STAT3: variants seen among roughly 807,000 people sequenced by gnomAD.
The protein encoded by STAT3 is DNA-binding protein APRF.
A neutral mutation model predicts 114.3 loss-of-function variants in STAT3; 7 were observed. The observed-to-expected ratio is 0.06, with a 90% CI of 0.03 to 0.11. The LOEUF is 0.11. STAT3 is among the 10% of genes least tolerant of loss of function. The pLI is 1.00. For missense variants in STAT3, 364 were observed against 960.9 expected (o/e 0.38, Z 8.21); for synonymous variants, 331 against 354.5 (o/e 0.93, Z 0.74).
chr17:42,327,411 G>A (rs1050114414), intron 14 of STAT3, among the ~76,000 whole-genome samples: 1 of 152,152 alleles, frequency 6.6e-6, no homozygotes, highest in African/African-American at 2.4e-5. Flanking sequence ...CACTTGATGT[G>A]AAATGAATCC....
chr17:42,345,622 C>T lies in STAT3; in HGVS notation c.309G>A (p.Arg103=), dbSNP rs17880940. 6.2e-7 allele frequency: 1 copy of T among 1,608,468 alleles called. No homozygotes were observed. The highest frequency in any genetic ancestry group is 8.5e-7 in the Non-Finnish European group (1 of 1,176,800). ...RYLEKPMEIA[R]IVARCLWEES... ...CTTCCCACAGGCACCGGGCCACAAT[C>T]CGGGCAATCTCCATTGGCTTCTCAA... Residue 103 remains arginine (R), a synonymous_variant, in exon 4 of 24, where the codon CGG becomes CGA. Coordinates refer to ENST00000264657, the MANE Select transcript of STAT3 (RefSeq NM_139276.3).
chr17:42,325,783 C>T (rs542242146), intron 15 of STAT3, among the ~76,000 whole-genome samples: 40 of 152,136 alleles, frequency 2.6e-4, no homozygotes, highest in African/African-American at 4.8e-4. Context: ...AGGCTGGTCT[C>T]GAACTCCTGA....
chr17:42,362,065 G>T (rs1372851987), intron 1 of STAT3, among the ~76,000 whole-genome samples: 2 of 152,208 alleles, frequency 1.3e-5, no homozygotes, highest in African/African-American at 4.8e-5. Flanking sequence ...GTGGCATTTG[G>T]TATTCAGATG....
rs556506929 is a variant in STAT3, at chr17:42,374,066, C to T, written c.-24+14213G>A. On this transcript the variant is annotated intron_variant, in intron 1 of 23. Transcript: ENST00000264657. ...CTTAGAAAACTAAGTGACCTCATTA[C>T]ACATCATAGTTTTGCATGATGTAAC... 11 of 152,264 alleles carry T rather than the reference C, an allele frequency of 7.2e-5. No individual in the cohort carries two copies. The East Asian group carries it at 9.6e-4, about 13-fold the overall frequency. 9.4% of individuals were successfully genotyped at this position (152,264 alleles called of 1,614,324 possible).
rs534511653 is a variant in STAT3, at chr17:42,339,292, C to T, written c.468+22G>A. ...AAAAAATTAATGAAAGCTCCCTGCCCGAGGCTTGTAACTTGCATCACCTGC... is the reference window on the plus strand; with the variant it reads ...AAAAAATTAATGAAAGCTCCCTGCCTGAGGCTTGTAACTTGCATCACCTGC... On this transcript the variant is annotated intron_variant, in intron 5 of 23. Coordinates refer to ENST00000264657, the MANE Select transcript of STAT3 (RefSeq NM_139276.3). 82 of 1,612,066 alleles carry T rather than the reference C, an allele frequency of 5.1e-5. 1 individual carries two copies. The South Asian group carries it at 8.1e-4, about 16-fold the overall frequency.
At chr17:42,365,804 C>T (rs765387996) in intron 1 of STAT3, among the ~76,000 whole-genome samples, 7 of 151,460 alleles carry the variant, frequency 4.6e-5, no homozygotes, top group Non-Finnish European at 7.4e-5. Flanking sequence ...TACAGGTGCC[C>T]GGTACAACGC....
At chr17:42,316,689 C>T in intron 23 of STAT3, 100 bp downstream of exon 23, 1 of 1,567,120 alleles carries the variant, frequency 6.4e-7, no homozygotes, top group Non-Finnish European at 8.6e-7. Context: ...GAATCTCCTA[C>T]CATTCCGAGT....
intron 15 of STAT3, among the ~76,000 whole-genome samples, chr17:42,325,455 T>TA (rs1228698038): frequency 6.6e-6 from 1 of 152,188 alleles, no homozygotes; most frequent in East Asian, 1.9e-4. Flanking sequence ...TATCTTAATT[T>TA]AAAAATCAAG....
chr17:42,357,346 A>G (rs2083277052), intron 1 of STAT3, among the ~76,000 whole-genome samples: 1 of 152,222 alleles, frequency 6.6e-6, no homozygotes, highest in Admixed American at 6.5e-5. Context: ...AATTTTCACC[A>G]CAGGATAAAC....
intron 4 of STAT3, among the ~76,000 whole-genome samples, chr17:42,344,697 C>T (rs1275511844): frequency 1.3e-4 from 19 of 147,084 alleles, no homozygotes; most frequent in East Asian, 4.1e-4. Context: ...CCAGCCTGGA[C>T]GACAGAGAGA....
At chr17:42,323,724 C>A (rs1461125261) in intron 17 of STAT3, 99 bp from the exon 18 acceptor site, 1 of 1,143,232 alleles carries the variant, frequency 8.7e-7, no homozygotes, top group African/African-American at 1.6e-5. Flanking sequence ...CACAATGGGC[C>A]ACAAAATAAT....
chr17:42,347,366 G>A (rs1272261059), intron 2 of STAT3, among the ~76,000 whole-genome samples: 2 of 152,150 alleles, frequency 1.3e-5, no homozygotes, highest in Non-Finnish European at 2.9e-5. Flanking sequence ...CCCAGGCTGG[G>A]ATGGCCTATC....
chr17:42,331,683 T>C (rs2082016405), intron 10 of STAT3, 152 bp from the exon 11 acceptor site: 3 of 664,540 alleles, frequency 4.5e-6, no homozygotes, highest in South Asian at 3.5e-5. Flanking sequence ...ATCTCAGCAC[T>C]GTGGGAGGCC....
intron 1 of STAT3, among the ~76,000 whole-genome samples, chr17:42,371,314 A>G (rs2084116144): frequency 1.3e-5 from 2 of 152,116 alleles, no homozygotes; most frequent in African/African-American, 4.8e-5. Context: ...CTGGGAGCCC[A>G]GAGCGACTGG....
chr17:42,357,033 C>T (rs1457691293), intron 1 of STAT3, among the ~76,000 whole-genome samples: 1 of 152,100 alleles, frequency 6.6e-6, no homozygotes, highest in Non-Finnish European at 1.5e-5. Context: ...GGTGATCTGC[C>T]TGCCTCAGCC....
At chr17:42,347,611 C>T (rs528203290) in intron 2 of STAT3, among the ~76,000 whole-genome samples, 6 of 152,220 alleles carry the variant, frequency 3.9e-5, no homozygotes, top group African/African-American at 1.4e-4. Context: ...AAATCTCATA[C>T]TGAAATGTAA....
intron 1 of STAT3, among the ~76,000 whole-genome samples, chr17:42,377,924 C>T (rs1423266208): frequency 1.3e-5 from 2 of 151,618 alleles, no homozygotes; most frequent in African/African-American, 2.4e-5. Context: ...GGTAAACGTC[C>T]GTGGAATCTA....
At chr17:42,357,184 T>A (rs1315323494) in intron 1 of STAT3, among the ~76,000 whole-genome samples, 1 of 152,196 alleles carries the variant, frequency 6.6e-6, no homozygotes, top group Non-Finnish European at 1.5e-5. Context: ...GGCCACATAA[T>A]TTATTAAGAT....
intron 14 of STAT3, among the ~76,000 whole-genome samples, chr17:42,326,584 C>T (rs760680783): frequency 6.6e-6 from 1 of 151,830 alleles, no homozygotes; most frequent in Non-Finnish European, 1.5e-5. Context: ...TTTGGGAGGC[C>T]GAGGCAGGTG....
Sources: gnomAD v4.1 joint callset for allele counts (sites outside exome capture counted in the v4.1 genomes callset) on GRCh38, gnomAD v4.1.1 for gene constraint, MANE v1.5 for transcripts, NCBI Gene and HGNC (gene_info 2026-07-23, HGNC 2026-07-21) for gene names.